Variants in ZNF423 observed in about 807,000 individuals in gnomAD.
ZNF423 encodes the protein Ebf-associated zinc finger protein.
In ZNF423, 12 loss-of-function variants were observed where a neutral mutation model predicts 95.8. The ratio of observed to expected loss-of-function variants is 0.13; its 90% confidence interval spans 0.08 to 0.20. The LOEUF is 0.20. Ranked by LOEUF, ZNF423 falls within the 10% of genes least tolerant of loss-of-function variation. The pLI is 1.00. For synonymous variants in ZNF423, 749 were observed against 711.9 expected (o/e 1.05, Z -0.83); for missense variants, 1,316 against 1,737.1 (o/e 0.76, Z 4.31).
At position 49,636,335 on chromosome 16, in the gene ZNF423, G is replaced by A. The variant is rs1972702339; in HGVS notation, c.2841C>T (p.Phe947=). The change falls in exon 4 of 8, where the codon TTC becomes TTT. Residue 947 remains phenylalanine (F), a synonymous_variant. Transcript: ENST00000563137. The surrounding 1 kb of genome is among the most constrained non-coding windows in gnomAD (Gnocchi z 8.6). ...SHKCNVCSRT[F]FSENGLREHL... The stretch of plus-strand genomic sequence containing the variant: ...GCTCCCGTAGCCCGTTCTCCGAGAA[G>A]AAAGTCCGTGAACAAACGTTGCACT... 1 of 1,612,624 alleles carries A rather than the reference G, an allele frequency of 6.2e-7. No individual in the cohort carries two copies. Among genetic ancestry groups the A allele is most frequent in the Non-Finnish European group, 8.5e-7 (1 of 1,180,026 alleles).
intron 1 of ZNF423, chr16:49,822,872 G>A (rs1037286313): frequency 3.4e-5 from 20 of 595,834 alleles, no homozygotes; most frequent in Non-Finnish European, 4.2e-5. Flanking sequence ...TGCCCAGGTA[G>A]TCATCTACGC....
intron 1 of ZNF423, among the ~76,000 whole-genome samples, chr16:49,790,488 C>T (rs1174241503): frequency 6.6e-6 from 1 of 152,230 alleles, no homozygotes; most frequent in East Asian, 1.9e-4. Flanking sequence ...AGTTTGGGCT[C>T]AAACCCAGGG....
At chr16:49,501,264 G>A (rs1009082088) in intron 7 of ZNF423, among the ~76,000 whole-genome samples, 2 of 152,294 alleles carry the variant, frequency 1.3e-5, no homozygotes, top group African/African-American at 4.8e-5. Flanking sequence ...TCAGCCCCAA[G>A]AACTCAAACT....
chr16:49,814,224 C>A (rs1468643267), intron 1 of ZNF423, among the ~76,000 whole-genome samples: 2 of 152,132 alleles, frequency 1.3e-5, no homozygotes, highest in African/African-American at 4.8e-5. Context: ...AATACTGAAC[C>A]TTTTCAGGCA....
intron 2 of ZNF423, among the ~76,000 whole-genome samples, chr16:49,738,585 G>T (rs1273327860): frequency 6.6e-6 from 1 of 152,176 alleles, no homozygotes; most frequent in African/African-American, 2.4e-5. Flanking sequence ...AGGGGATATA[G>T]GAGCCTTGTG....
rs545109990 is a variant in ZNF423, at chr16:49,818,535, T to G, written c.41-28989A>C. On this transcript the variant is annotated intron_variant, in intron 1 of 7. Coordinates refer to ENST00000563137, the MANE Select transcript of ZNF423 (RefSeq NM_001379286.1). ...GTCTATAGTGCGCTGTGACTGCACC[T>G]GTGTATAGACACTGCACTCCAGCCT... 1.2e-4 allele frequency among the ~76,000 whole-genome samples: 18 copies of G among 150,800 alleles called. No homozygotes were observed. The South Asian group carries it at 1.5e-3, about 12-fold the overall frequency.
chr16:49,522,940 G>A (rs1436698028), intron 7 of ZNF423, among the ~76,000 whole-genome samples: 1 of 152,158 alleles, frequency 6.6e-6, no homozygotes, highest in Non-Finnish European at 1.5e-5. Flanking sequence ...CACAGATCTT[G>A]TTCCTTGGAA....
intron 3 of ZNF423, among the ~76,000 whole-genome samples, chr16:49,714,289 G>T (rs1380648921): frequency 6.6e-6 from 1 of 152,162 alleles, no homozygotes; most frequent in Non-Finnish European, 1.5e-5. Context: ...AACCAGGGCA[G>T]GGATCTGGTC....
chr16:49,546,586 G>C (rs1969451222), intron 5 of ZNF423, among the ~76,000 whole-genome samples: 1 of 152,202 alleles, frequency 6.6e-6, no homozygotes, highest in African/African-American at 2.4e-5. Flanking sequence ...CAAAGTTCAA[G>C]ATTTAAACTC....
chr16:49,800,008 C>T (rs977676441), intron 1 of ZNF423, among the ~76,000 whole-genome samples: 1 of 152,186 alleles, frequency 6.6e-6, no homozygotes, highest in Non-Finnish European at 1.5e-5. Context: ...AATCCCAGCA[C>T]TTTGGGAAGC....
intron 3 of ZNF423, among the ~76,000 whole-genome samples, chr16:49,723,128 T>G (rs1426570631): frequency 6.6e-6 from 1 of 152,022 alleles, no homozygotes; most frequent in Non-Finnish European, 1.5e-5. Flanking sequence ...GCTAATTTTT[T>G]GTATTTTCAG....
intron 5 of ZNF423, among the ~76,000 whole-genome samples, chr16:49,584,825 A>G (rs1303737149): frequency 6.6e-6 from 1 of 152,198 alleles, no homozygotes; most frequent in African/African-American, 2.4e-5. Context: ...TATGTAATTT[A>G]TTGTTCAATA....
chr16:49,675,567 C>A (rs570802315), intron 3 of ZNF423, among the ~76,000 whole-genome samples: 2 of 152,136 alleles, frequency 1.3e-5, no homozygotes, highest in African/African-American at 2.4e-5. Context: ...CACCCCACCC[C>A]CCTCCAGCTG....
chr16:49,812,114 C>T (rs2034763292), intron 1 of ZNF423, among the ~76,000 whole-genome samples: 1 of 152,222 alleles, frequency 6.6e-6, no homozygotes, highest in Non-Finnish European at 1.5e-5. Flanking sequence ...TCCTAGGGAT[C>T]CTGCAGGGAG....
intron 2 of ZNF423, among the ~76,000 whole-genome samples, chr16:49,752,209 A>T (rs2033645310): frequency 6.6e-6 from 1 of 152,244 alleles, no homozygotes; most frequent in South Asian, 2.1e-4. Flanking sequence ...CATTGCAAAC[A>T]GGTGGCCTGA....
intron 5 of ZNF423, among the ~76,000 whole-genome samples, chr16:49,537,535 G>A (rs891101663): frequency 2.6e-5 from 4 of 152,208 alleles, no homozygotes. Flanking sequence ...CTCCTTCCAA[G>A]TAGTCACATG....
chr16:49,665,940 AAATTAGCTCATTT>A (rs1292099527), intron 3 of ZNF423, among the ~76,000 whole-genome samples: 1 of 152,220 alleles, frequency 6.6e-6, no homozygotes, highest in Admixed American at 6.5e-5. Context: ...GAACAAATTA[AAATTAGCTCATTT>A]AATCAGCTCC....
intron 4 of ZNF423, among the ~76,000 whole-genome samples, chr16:49,632,450 C>T (rs1312516367): frequency 1.3e-5 from 2 of 152,156 alleles, no homozygotes; most frequent in South Asian, 2.1e-4. Context: ...TGCCGCCTTG[C>T]CTGGGGAGGT....
intron 1 of ZNF423, among the ~76,000 whole-genome samples, chr16:49,790,690 G>A (rs992887922): frequency 6.6e-6 from 1 of 152,212 alleles, no homozygotes; most frequent in Admixed American, 6.5e-5. Flanking sequence ...GAGTTCTAGC[G>A]CAAGGCACAG....
Sources: gnomAD v4.1 joint callset for allele counts (sites outside exome capture counted in the v4.1 genomes callset) on GRCh38, gnomAD v4.1.1 for gene constraint, Gnocchi (gnomAD v3.1) non-coding constraint, MANE v1.5 for transcripts, NCBI Gene and HGNC (gene_info 2026-07-23, HGNC 2026-07-21) for gene names.